The following ZNF385D variants were observed in gnomAD, a reference collection of about 807,000 sequenced individuals.
ZNF385D encodes the protein zinc finger protein 659.
In ZNF385D, 15 loss-of-function variants were observed where a neutral mutation model predicts 35.8. The ratio of observed to expected loss-of-function variants is 0.42; its 90% CI spans 0.28 to 0.64. The LOEUF (loss-of-function observed/expected upper bound fraction) is 0.64, where lower values mean the gene tolerates loss of function less well. Among genes scored for constraint, ZNF385D ranks in the 30% least tolerant of loss-of-function variants. ZNF385D has a pLI of 0.23. For synonymous variants in ZNF385D, 212 were observed against 186.8 expected, an observed-to-expected ratio of 1.13 and a Z score of -1.10; for missense variants, 474 against 494.6, an observed-to-expected ratio of 0.96 and a Z score of 0.39.
intron 3 of ZNF385D, among the ~76,000 whole-genome samples, chr3:21,810,502 C>T (rs1575691702): frequency 6.6e-6 from 1 of 151,786 alleles, no homozygotes; most frequent in South Asian, 2.1e-4. Flanking sequence ...TGCACATGTA[C>T]CCTAGAACTT....
At chr3:21,813,465 G>A (rs1468963446) in intron 3 of ZNF385D, among the ~76,000 whole-genome samples, 1 of 152,132 alleles carries the variant, frequency 6.6e-6, no homozygotes, top group African/African-American at 2.4e-5. Flanking sequence ...AAAAGATTAG[G>A]TGAATGGCTA....
At chr3:22,260,519 A>T (rs1283346713) in intron 2 of ZNF385D, among the ~76,000 whole-genome samples, 1 of 152,058 alleles carries the variant, frequency 6.6e-6, no homozygotes, top group Non-Finnish European at 1.5e-5. Flanking sequence ...TTAAAAAAAA[A>T]GAAAACTACA....
Position 21,856,436 on chromosome 3 carries a change from C to T in ZNF385D, c.326-191408G>A, listed in dbSNP as rs370565557. On this transcript the variant is annotated intron_variant, in intron 3 of 5. Transcript: ENST00000494108. ...ACTTCAGACTCAACTGCCTCTAGGG[C>T]GTCTCCATTTTAATATCAATAAACA... 3.3e-5 allele frequency among the ~76,000 whole-genome samples: 5 copies of T among 151,976 alleles called. No homozygotes were observed. In the South Asian group the frequency reaches 6.2e-4, roughly 19 times the overall value.
At chr3:21,527,055 A>G (rs1708270111) in intron 3 of ZNF385D, among the ~76,000 whole-genome samples, 1 of 152,214 alleles carries the variant, frequency 6.6e-6, no homozygotes, top group Non-Finnish European at 1.5e-5. Flanking sequence ...CATGATGTAG[A>G]AAATCTTAAA....
intron 3 of ZNF385D, among the ~76,000 whole-genome samples, chr3:21,523,216 G>T (rs537031080): frequency 6.6e-6 from 1 of 152,224 alleles, no homozygotes; most frequent in South Asian, 2.1e-4. Context: ...AACTATCATG[G>T]GAATTTTATA....
At chr3:21,895,048 G>A (rs865873138) in intron 3 of ZNF385D, among the ~76,000 whole-genome samples, 1 of 152,050 alleles carries the variant, frequency 6.6e-6, no homozygotes. Context: ...AGGCCAGGGA[G>A]AGCTACGCAA....
At chr3:22,116,692 A>C (rs1266972866) in intron 3 of ZNF385D, among the ~76,000 whole-genome samples, 1 of 152,084 alleles carries the variant, frequency 6.6e-6, no homozygotes, top group Admixed American at 6.6e-5. Context: ...ATCAGATAAA[A>C]CCAAAATTTG....
At chr3:21,866,986 A>G (rs180794743) in intron 3 of ZNF385D, among the ~76,000 whole-genome samples, 1 of 152,234 alleles carries the variant, frequency 6.6e-6, no homozygotes, top group East Asian at 1.9e-4. Flanking sequence ...TTTGTGCTAC[A>G]TAACAGAACA....
At chr3:21,831,308 C>T (rs552582325) in intron 3 of ZNF385D, among the ~76,000 whole-genome samples, 31 of 152,186 alleles carry the variant, frequency 2.0e-4, no homozygotes, top group Admixed American at 1.2e-3. Flanking sequence ...ACTTACCTCA[C>T]GGGAATGCTA....
rs151201736 is a variant in ZNF385D at position 22,330,911 on chromosome 3, A to G, written c.106+41539T>C. ...TAGATTAGAAGGTCAGAAACCCTGC[A>G]GCATCAGCCCAACTTTTGACTTGGC... On this transcript the variant is annotated intron_variant, in intron 2 of 5. Transcript: ENST00000494108. Among the ~76,000 whole-genome samples, 1,421 of 152,346 alleles carry G rather than the reference A, an allele frequency of 9.3e-3. 21 individuals are homozygous for G. The highest frequency in any genetic ancestry group is 0.032 in the African/African-American group (1,319 of 41,584).
intron 2 of ZNF385D, among the ~76,000 whole-genome samples, chr3:22,176,222 C>G (rs1256187061): frequency 6.6e-6 from 1 of 152,014 alleles, no homozygotes; most frequent in Non-Finnish European, 1.5e-5. Context: ...TACAGCACAG[C>G]TAACGAACTC....
intron 2 of ZNF385D, among the ~76,000 whole-genome samples, chr3:22,252,898 T>C (rs1038512088): frequency 6.6e-6 from 1 of 152,088 alleles, no homozygotes; most frequent in African/African-American, 2.4e-5. Context: ...TGTTCCTTAC[T>C]CCAGGCTGAA....
intron 1 of ZNF385D, among the ~76,000 whole-genome samples, chr3:21,721,464 C>A: frequency 6.6e-6 from 1 of 151,658 alleles, no homozygotes; most frequent in South Asian, 2.1e-4. Context: ...AAAAAAGACT[C>A]CACACAAACA....
intron 1 of ZNF385D, among the ~76,000 whole-genome samples, chr3:21,720,696 G>C (rs1331374846): frequency 3.3e-5 from 5 of 152,212 alleles, no homozygotes; most frequent in East Asian, 1.9e-4. Context: ...GAGTGACTTG[G>C]AGAAGTCATC....
intron 3 of ZNF385D, among the ~76,000 whole-genome samples, chr3:22,045,820 C>T (rs1470186506): frequency 6.6e-6 from 1 of 151,976 alleles, no homozygotes; most frequent in East Asian, 1.9e-4. Flanking sequence ...ATAAGGCTAC[C>T]TGGGGCCCCA....
At chr3:22,325,332 G>C (rs1175416498) in intron 2 of ZNF385D, among the ~76,000 whole-genome samples, 1 of 152,166 alleles carries the variant, frequency 6.6e-6, no homozygotes, top group Non-Finnish European at 1.5e-5. Context: ...TTATTTTAGT[G>C]GTGAGAAGGG....
In ZNF385D at chr3:22,360,758, A is replaced by G. The variant is rs529340219; in HGVS notation, c.106+11692T>C. ...TCTGTTCATGCTTTAACTGTTAGAAACCAAGAAACAACGCTTCAACTTTAA... is the reference window on the plus strand; with the variant it reads ...TCTGTTCATGCTTTAACTGTTAGAAGCCAAGAAACAACGCTTCAACTTTAA... On this transcript the variant is annotated intron_variant, in intron 2 of 5. Transcript: ENST00000494108. 5.5e-4 allele frequency among the ~76,000 whole-genome samples: 83 copies of G among 152,120 alleles called. 1 individual carries two copies. The highest frequency in any genetic ancestry group is 1.9e-3 in the African/African-American group (80 of 41,528).
At chr3:21,679,354 A>T (rs941424120) in intron 1 of ZNF385D, among the ~76,000 whole-genome samples, 1 of 152,042 alleles carries the variant, frequency 6.6e-6, no homozygotes, top group Non-Finnish European at 1.5e-5. Flanking sequence ...TTATTGCTTA[A>T]ATCATTAATT....
intron 3 of ZNF385D, among the ~76,000 whole-genome samples, chr3:21,981,313 G>T (rs1050931227): frequency 6.6e-6 from 1 of 152,156 alleles, no homozygotes; most frequent in Non-Finnish European, 1.5e-5. Flanking sequence ...TTTCTCTAAT[G>T]ATCAGTGATA....
Sources: gnomAD v4.1 joint callset for allele counts (sites outside exome capture counted in the v4.1 genomes callset) on GRCh38, gnomAD v4.1.1 for gene constraint, MANE v1.5 for transcripts, NCBI Gene and HGNC (gene_info 2026-07-23, HGNC 2026-07-21) for gene names.